The following NRG1 variants were observed in gnomAD, a reference collection of about 807,000 sequenced individuals.
NRG1 encodes the protein pro-neuregulin-1, membrane-bound isoform.
A neutral mutation model predicts 63.8 loss-of-function variants in NRG1; 18 were observed. That is an observed-to-expected ratio of 0.28 (90% CI 0.19 to 0.42). The LOEUF is 0.42. Ranked by LOEUF, NRG1 falls within the 10% of genes least tolerant of loss-of-function variation. The pLI, the probability that NRG1 is intolerant of heterozygous loss-of-function variation, is 1.00. For synonymous variants in NRG1, 302 were observed against 301.3 expected, an observed-to-expected ratio of 1.00 and a Z score of -0.02; for missense variants, 762 against 814.7, an observed-to-expected ratio of 0.94 and a Z score of 0.79.
intron 1 of NRG1, among the ~76,000 whole-genome samples, chr8:32,372,006 TTTA>T (rs750363808): frequency 1.5e-3 from 227 of 147,958 alleles, no homozygotes; most frequent in Admixed American, 2.7e-3. Flanking sequence ...TTTTTTTTTT[TTTA>T]AAAGGGTTGT....
intron 1 of NRG1, among the ~76,000 whole-genome samples, chr8:31,774,359 A>ATAAT (rs1818913215): frequency 6.6e-6 from 1 of 152,130 alleles, no homozygotes; most frequent in East Asian, 1.9e-4. Flanking sequence ...ATCTTAGATC[A>ATAAT]TAATATATAT....
intron 1 of NRG1, among the ~76,000 whole-genome samples, chr8:32,174,177 T>G (rs914941617): frequency 1.3e-5 from 2 of 152,102 alleles, no homozygotes; most frequent in African/African-American, 2.4e-5. Context: ...GTACTCAGGA[T>G]TAAGAAACTC....
At chr8:31,651,612 G>T (rs963300923) in intron 1 of NRG1, among the ~76,000 whole-genome samples, 1 of 152,130 alleles carries the variant, frequency 6.6e-6, no homozygotes, top group African/African-American at 2.4e-5. Flanking sequence ...GATTTTTATG[G>T]TTTGGGCAAG....
At chr8:32,498,925 A>G (rs796356682) in intron 1 of NRG1, among the ~76,000 whole-genome samples, 8 of 152,308 alleles carry the variant, frequency 5.3e-5, no homozygotes, top group African/African-American at 1.9e-4. Context: ...ATGCCAAAGT[A>G]GCATATTTTG....
intron 1 of NRG1, among the ~76,000 whole-genome samples, chr8:31,686,532 A>G (rs13280385): frequency 0.19 from 29,532 of 152,150 alleles, 3,376 homozygotes; most frequent in East Asian, 0.26. Flanking sequence ...AAATGGAAAC[A>G]TACCATTTTG....
intron 1 of NRG1, among the ~76,000 whole-genome samples, chr8:31,864,638 A>G (rs764316759): frequency 6.6e-6 from 1 of 152,136 alleles, no homozygotes; most frequent in Non-Finnish European, 1.5e-5. Flanking sequence ...ACAAAATAAG[A>G]ATGAAAGATG....
chr8:31,974,615 C>T lies in NRG1; in HGVS notation c.37+335184C>T, dbSNP rs539756125. Among the ~76,000 whole-genome samples the T allele has an allele frequency of 3.9e-5, 6 of 152,114 alleles. No homozygotes were observed. The South Asian group carries it at 1.2e-3, about 31-fold the overall frequency. ...CTATGCCAGGCACTACTATGGTAGG[C>T]CTTCAATAAAGGGAGGCTATGTTTA... On this transcript the variant is annotated intron_variant, in intron 1 of 10. Transcript: ENST00000519301.
chr8:32,100,262 G>C (rs756021380), intron 1 of NRG1, among the ~76,000 whole-genome samples: 3 of 152,176 alleles, frequency 2.0e-5, no homozygotes, highest in Non-Finnish European at 2.9e-5. Flanking sequence ...TTTCTTAACT[G>C]TGGGCAGGAT....
intron 1 of NRG1, among the ~76,000 whole-genome samples, chr8:31,708,696 C>T (rs981071486): frequency 4.6e-5 from 7 of 152,126 alleles, no homozygotes; most frequent in African/African-American, 1.2e-4. Context: ...CCGCCCGCCT[C>T]GGCCTCCCAA....
chr8:32,504,584 GATTT>G (rs1828305542), intron 1 of NRG1, among the ~76,000 whole-genome samples: 1 of 151,854 alleles, frequency 6.6e-6, no homozygotes. Flanking sequence ...AACATATAAA[GATTT>G]ATTTATTTTA....
intron 1 of NRG1, among the ~76,000 whole-genome samples, chr8:32,173,893 A>T (rs1840377265): frequency 6.6e-6 from 1 of 152,232 alleles, no homozygotes; most frequent in Non-Finnish European, 1.5e-5. Context: ...TAATAATGGG[A>T]GACTTTAACA....
At chr8:32,592,867 C>A (rs145093104) in intron 1 of NRG1, among the ~76,000 whole-genome samples, 7 of 152,006 alleles carry the variant, frequency 4.6e-5, no homozygotes, top group African/African-American at 1.4e-4. Flanking sequence ...ACTTTTGACT[C>A]CCCCCAAACC....
chr8:32,199,737 T>A (rs1460691893), intron 1 of NRG1, among the ~76,000 whole-genome samples: 1 of 152,214 alleles, frequency 6.6e-6, no homozygotes, highest in Non-Finnish European at 1.5e-5. Flanking sequence ...ATTCTTTTAT[T>A]ACAAATATTC....
chr8:31,722,833 T>A (rs1196112757), intron 1 of NRG1, among the ~76,000 whole-genome samples: 1 of 152,142 alleles, frequency 6.6e-6, no homozygotes, highest in Admixed American at 6.6e-5. Context: ...ATTTCTTTTT[T>A]TATAGTTAAA....
intron 1 of NRG1, among the ~76,000 whole-genome samples, chr8:31,979,067 A>G (rs902042489): frequency 2.0e-5 from 3 of 152,178 alleles, no homozygotes; most frequent in Admixed American, 6.5e-5. Context: ...GAGAGGCTCC[A>G]TCTTACCTGC....
At chr8:32,173,932 G>A (rs138231915) in intron 1 of NRG1, among the ~76,000 whole-genome samples, 2 of 152,192 alleles carry the variant, frequency 1.3e-5, no homozygotes, top group Admixed American at 6.5e-5. Context: ...ACTGATCAAC[G>A]AGACAGAAAG....
chr8:32,077,338 C>A (rs141608814), intron 1 of NRG1, among the ~76,000 whole-genome samples: 388 of 152,232 alleles, frequency 2.5e-3, no homozygotes, highest in African/African-American at 9.1e-3. Context: ...TGCCCTCCAG[C>A]CTGGGCGACA....
intron 1 of NRG1, among the ~76,000 whole-genome samples, chr8:31,952,771 T>C (rs1351933400): frequency 6.6e-6 from 1 of 152,218 alleles, no homozygotes; most frequent in East Asian, 1.9e-4. Flanking sequence ...CCGCAAAATG[T>C]CATGGTAGCT....
chr8:32,631,843 T>TA, intron 5 of NRG1, among the ~76,000 whole-genome samples: 1 of 152,300 alleles, frequency 6.6e-6, no homozygotes, highest in Non-Finnish European at 1.5e-5. Context: ...ACTACTCATT[T>TA]AAAAAATCTC....
Sources: allele counts gnomAD v4.1 joint callset (sites outside exome capture counted in the v4.1 genomes callset), GRCh38; gene constraint gnomAD v4.1.1; transcripts MANE v1.5; gene names NCBI Gene and HGNC (gene_info 2026-07-23, HGNC 2026-07-21).